Variants in UTP6 observed in about 807,000 individuals in gnomAD.
UTP6 encodes U3 small nucleolar RNA-associated protein 6 homolog.
UTP6 carries 60 observed loss-of-function variants against 96.5 expected under a neutral mutation model. The ratio of observed to expected loss-of-function variants is 0.62; its 90% CI spans 0.51 to 0.77. UTP6 has a LOEUF of 0.77. UTP6 is among the 30% of genes least tolerant of loss of function. The probability of loss-of-function intolerance (pLI) is 0.00; values close to 1 mark genes in which losing one functional copy is unlikely to be tolerated. For synonymous variants in UTP6, 215 were observed against 240.1 expected (o/e 0.90, Z 0.96); for missense variants, 637 against 706.5 (o/e 0.90, Z 1.12).
chr17:31,888,136 G>C (rs1313977399), intron 7 of UTP6: 1 of 151,950 alleles, frequency 6.6e-6, no homozygotes, highest in East Asian at 1.9e-4. Flanking sequence ...TCCCCGAAGA[G>C]AGAAAGGAAG....
rs1909629055 is a variant in UTP6, at chr17:31,863,298, A to C, written c.*61T>G. The C allele has an allele frequency of 6.3e-7, 1 of 1,578,852 alleles. No individual in the cohort carries two copies. Among genetic ancestry groups the C allele is most frequent in the Non-Finnish European group, 8.6e-7 (1 of 1,158,488 alleles). On this transcript the variant is annotated 3_prime_UTR_variant, in exon 19 of 19. Transcript: ENST00000261708. ...AGCAAATTACAGATGGACTCAATACAAATTTGCCCACGGGGCTTGCTTGCA... is the reference window on the plus strand; with the variant it reads ...AGCAAATTACAGATGGACTCAATACCAATTTGCCCACGGGGCTTGCTTGCA...
chr17:31,870,494 T>G (rs12451168), intron 16 of UTP6, among the ~76,000 whole-genome samples: 83,093 of 150,822 alleles, frequency 0.55, 25,716 homozygotes, highest in Non-Finnish European at 0.69. Flanking sequence ...GTTTTTTGTT[T>G]TTGTTGTTGT....
At chr17:31,881,071 G>C (rs751166475) in intron 10 of UTP6, among the ~76,000 whole-genome samples, 3 of 151,932 alleles carry the variant, frequency 2.0e-5, no homozygotes, top group Non-Finnish European at 4.4e-5. Flanking sequence ...AGCTACTAGA[G>C]AGGCTGAGAC....
chr17:31,876,711 G>A (rs1038526328), intron 13 of UTP6, among the ~76,000 whole-genome samples: 2 of 149,370 alleles, frequency 1.3e-5, no homozygotes, highest in African/African-American at 4.9e-5. Flanking sequence ...ACCAAACAGA[G>A]GATGAAAATT....
rs912574667 is a variant in UTP6, at chr17:31,884,368, C to A, written c.785+56G>T. The A allele has an allele frequency of 2.6e-5, 36 of 1,393,078 alleles. No individual in the cohort carries two copies. In the Admixed American group the frequency reaches 7.6e-4, roughly 29 times the overall value. 86.3% of individuals were successfully genotyped at this position (1,393,078 alleles called of 1,614,324 possible). On this transcript the variant is annotated intron_variant, in intron 10 of 18. Transcript: ENST00000261708. ...CTTCTACTAAATATCCAACCTCAAA[C>A]CCTTAATCTCAAGATCAGAAATAGA...
intron 4 of UTP6, among the ~76,000 whole-genome samples, chr17:31,893,936 G>A (rs190363479): frequency 3.5e-4 from 53 of 151,896 alleles, no homozygotes; most frequent in African/African-American, 1.2e-3. Flanking sequence ...TCAATCTGGG[G>A]TAGCAATATA....
rs763083700 is a variant in UTP6 at position 31,863,405 on chromosome 17, T to C, written c.1748A>G (p.Glu583Gly). The C allele has an allele frequency of 6.2e-7, 1 of 1,614,012 alleles. No individual in the cohort carries two copies. The highest frequency in any genetic ancestry group is 1.3e-5 in the African/African-American group (1 of 74,882). Residue 583 changes from glutamate (E) to glycine (G), a missense_variant, in exon 19 of 19, where the codon GAG becomes GGG. By Grantham distance (98) the Glu-to-Gly change is moderately conservative. Transcript: ENST00000261708. ...AMKMLQGESA[E>G]AFVAKHAMHQ... ...CATAGCATGTTTAGCTACAAATGCC[T>C]CTGCTGACTCTCCCTGCAACATTTT...
At chr17:31,867,681 G>C (rs1346058443) in intron 17 of UTP6, among the ~76,000 whole-genome samples, 2 of 151,956 alleles carry the variant, frequency 1.3e-5, no homozygotes, top group Non-Finnish European at 2.9e-5. Flanking sequence ...TCCCGGGCCA[G>C]GCACGGTGGC....
At position 31,886,000 on chromosome 17, in the gene UTP6, T is replaced by G; in HGVS notation, c.683A>C (p.Asn228Thr). Residue 228 changes from asparagine to threonine, a missense_variant, in exon 9 of 19, where the codon AAT becomes ACT. Coordinates refer to ENST00000261708, the MANE Select transcript of UTP6 (RefSeq NM_018428.3). ...KGELAWIIYK[N>T]SVSIIKGAEF... ...CCTACCTTTAATTATGCTTACAGAA[T>G]TTTTGTAGATGATCCATGCCAACTC... The G allele has an allele frequency of 6.2e-7, 1 of 1,613,590 alleles. No homozygotes were observed. Among genetic ancestry groups the G allele is most frequent in the South Asian group, 1.1e-5 (1 of 90,882 alleles).
intron 6 of UTP6, among the ~76,000 whole-genome samples, chr17:31,891,940 T>C (rs1337893707): frequency 6.6e-6 from 1 of 152,158 alleles, no homozygotes; most frequent in Non-Finnish European, 1.5e-5. Context: ...GGAGAATTGC[T>C]TCAACCTGGG....
rs149887427 is a variant in UTP6, at chr17:31,899,283, G to A, written c.177+363C>T. 7.1e-3 allele frequency among the ~76,000 whole-genome samples: 1,077 copies of A among 152,112 alleles called. 4 individuals carry two copies. The highest frequency in any genetic ancestry group is 9.3e-3 in the Non-Finnish European group (630 of 67,984). On this transcript the variant is annotated intron_variant, in intron 2 of 18. Coordinates refer to ENST00000261708, the MANE Select transcript of UTP6 (RefSeq NM_018428.3). Reference sequence around the variant, plus strand: ...CTGCACTTCAGCCTGGGTGAAAGGCGAGCCCCTGCCTCAAAAAAAAGTAAT... The same window carrying A: ...CTGCACTTCAGCCTGGGTGAAAGGCAAGCCCCTGCCTCAAAAAAAAGTAAT...
chr17:31,885,894 G>A, intron 9 of UTP6, 86 bp downstream of exon 9: 1 of 1,222,680 alleles, frequency 8.2e-7, no homozygotes, highest in Non-Finnish European at 1.2e-6. Flanking sequence ...ACATTCTAAT[G>A]GAAAATTTCA....
At chr17:31,886,778 G>A (rs1025522028) in intron 8 of UTP6, 1 of 152,698 alleles carries the variant, frequency 6.5e-6, no homozygotes, top group African/African-American at 2.4e-5. Flanking sequence ...TATATAAAAA[G>A]GGAAAGAAAG....
chr17:31,878,857 A>T, intron 11 of UTP6, 76 bp from the exon 12 acceptor site: 1 of 1,426,974 alleles, frequency 7.0e-7, no homozygotes, highest in Non-Finnish European at 9.8e-7. Context: ...TTAAAAGATA[A>T]GGAAAAAAAC....
chr17:31,890,070 AAAC>A (rs956988462), intron 6 of UTP6, among the ~76,000 whole-genome samples: 3 of 152,070 alleles, frequency 2.0e-5, no homozygotes, highest in Admixed American at 6.6e-5. Flanking sequence ...GCAGTGGCAC[AAAC>A]AACAGCTCAC....
chr17:31,861,451 C>CA lies in UTP6; in HGVS notation c.*1907dup, dbSNP rs1598088472. 3.3e-5 allele frequency: 5 copies of CA among 151,078 alleles called. No individual in the cohort carries two copies. Among genetic ancestry groups the CA allele is most frequent in the South Asian group, 2.1e-4 (1 of 4,770 alleles). 9.4% of individuals were successfully genotyped at this position (151,078 alleles called of 1,614,324 possible). On this transcript the variant is annotated 3_prime_UTR_variant, in exon 19 of 19. Transcript: ENST00000261708. ...GGCAACATAGCAAGACCAGTCTCTA[C>CA]AAAAAAAAATTTAAATTAACCAGGC... is the stretch of plus-strand genomic sequence containing the variant.
intron 13 of UTP6, among the ~76,000 whole-genome samples, chr17:31,877,588 T>C (rs932391919): frequency 2.0e-5 from 3 of 152,098 alleles, no homozygotes; most frequent in South Asian, 2.1e-4. Flanking sequence ...TCTCAGCACT[T>C]TGGGAGGCTG....
chr17:31,875,121 G>T, intron 14 of UTP6, 113 bp downstream of exon 14: 1 of 1,253,194 alleles, frequency 8.0e-7, no homozygotes, highest in Non-Finnish European at 1.1e-6. Context: ...CCACTGAATA[G>T]CAAATGCCAC....
chr17:31,893,593 G>A (rs979784425), intron 4 of UTP6, among the ~76,000 whole-genome samples: 9 of 151,736 alleles, frequency 5.9e-5, no homozygotes, highest in Non-Finnish European at 1.0e-4. Context: ...AGCCAGGCGC[G>A]GTGGTGCGTG....
Sources: gnomAD v4.1 joint callset for allele counts (sites outside exome capture counted in the v4.1 genomes callset) on GRCh38, gnomAD v4.1.1 for gene constraint, MANE v1.5 for transcripts, NCBI Gene and HGNC (gene_info 2026-07-23, HGNC 2026-07-21) for gene names.